The following RALGAPA1 variants were observed in gnomAD, a reference collection of about 807,000 sequenced individuals.
RALGAPA1 encodes the protein Ral GTPase activating protein catalytic subunit alpha 1.
RALGAPA1 carries 52 observed loss-of-function variants against 269.6 expected under a neutral mutation model. The observed-to-expected ratio is 0.19, with a 90% CI of 0.15 to 0.24. RALGAPA1 has a LOEUF of 0.24. RALGAPA1 is among the 10% of genes least tolerant of loss of function. The pLI, the probability that RALGAPA1 is intolerant of heterozygous loss-of-function variation, is 1.00. For missense variants in RALGAPA1, 1,917 were observed against 3,013.9 expected (o/e 0.64, Z 8.52); for synonymous variants, 817 against 1,008.3 (o/e 0.81, Z 3.60).
intron 12 of RALGAPA1, 44 bp from the exon 13 acceptor site, chr14:35,728,554 T>C: frequency 2.6e-6 from 4 of 1,532,568 alleles, no homozygotes; most frequent in Non-Finnish European, 3.5e-6. Flanking sequence ...GGAATTTCAA[T>C]GGCAAATTTC....
chr14:35,568,311 G>A (rs1566703663), intron 39 of RALGAPA1, among the ~76,000 whole-genome samples: 2 of 151,952 alleles, frequency 1.3e-5, no homozygotes, highest in Non-Finnish European at 2.9e-5. Flanking sequence ...CAATTAATTG[G>A]TAAGTATAAT....
chr14:35,770,071 T>C (rs1032525179), intron 4 of RALGAPA1, among the ~76,000 whole-genome samples: 3 of 152,080 alleles, frequency 2.0e-5, no homozygotes, highest in African/African-American at 2.4e-5. Flanking sequence ...AGTGAGTAAA[T>C]AGGATTTACC....
intron 35 of RALGAPA1, among the ~76,000 whole-genome samples, chr14:35,612,592 G>A (rs752840382): frequency 1.8e-4 from 27 of 149,108 alleles, no homozygotes; most frequent in Non-Finnish European, 3.7e-4. Flanking sequence ...AGGCTGGAGT[G>A]CAGTGGCGCA....
chr14:35,693,298 T>TA, intron 17 of RALGAPA1, among the ~76,000 whole-genome samples: 1 of 151,564 alleles, frequency 6.6e-6, no homozygotes, highest in South Asian at 2.1e-4. Context: ...ATGTTAGAAA[T>TA]AAAAATCTAA....
chr14:35,606,802 T>G (rs1347343746), intron 35 of RALGAPA1, among the ~76,000 whole-genome samples: 1 of 150,408 alleles, frequency 6.6e-6, no homozygotes, highest in Non-Finnish European at 1.5e-5. Context: ...AGGATTAAAG[T>G]TCTTTAAAGA....
At chr14:35,784,784 T>A (rs2075686283) in intron 1 of RALGAPA1, among the ~76,000 whole-genome samples, 1 of 152,216 alleles carries the variant, frequency 6.6e-6, no homozygotes, top group South Asian at 2.1e-4. Context: ...TACCTTCACA[T>A]TTATGCAGTT....
chr14:35,655,630 A>G lies in RALGAPA1; in HGVS notation c.5496+177T>C, dbSNP rs767182580. Among the ~76,000 whole-genome samples, 6 of 152,098 alleles carry G rather than the reference A, an allele frequency of 3.9e-5. No homozygotes were observed. The South Asian group carries it at 6.2e-4, about 16-fold the overall frequency. ...GATAAAAATGGGTCACCATAAAGAT[A>G]CCCTAAATTCAAGAAACAGAACAAT... On this transcript the variant is annotated intron_variant, in intron 29 of 41. Coordinates refer to ENST00000680220, the MANE Select transcript of RALGAPA1 (RefSeq NM_001346249.2).
At chr14:35,805,075 C>T (rs1031428626) in intron 1 of RALGAPA1, among the ~76,000 whole-genome samples, 5 of 151,738 alleles carry the variant, frequency 3.3e-5, no homozygotes, top group African/African-American at 7.3e-5. Context: ...ATCACGAGGT[C>T]GCGAGTTCAA....
chr14:35,724,277 T>C (rs941312349), intron 14 of RALGAPA1, among the ~76,000 whole-genome samples: 4 of 152,142 alleles, frequency 2.6e-5, no homozygotes, highest in African/African-American at 7.2e-5. Context: ...AACACCAGCA[T>C]ATAATTTTAG....
intron 4 of RALGAPA1, among the ~76,000 whole-genome samples, chr14:35,764,061 T>C (rs2073948089): frequency 6.6e-6 from 1 of 151,872 alleles, no homozygotes; most frequent in Non-Finnish European, 1.5e-5. Flanking sequence ...CCTTGTTTTA[T>C]CCTTTGCACA....
chr14:35,798,136 A>T (rs181171879), intron 1 of RALGAPA1, among the ~76,000 whole-genome samples: 61 of 148,208 alleles, frequency 4.1e-4, no homozygotes, highest in Non-Finnish European at 6.3e-4. Context: ...GCCTCCCAAA[A>T]TGCTGGGATT....
At chr14:35,720,847 A>T (rs2069343473) in intron 16 of RALGAPA1, among the ~76,000 whole-genome samples, 1 of 152,170 alleles carries the variant, frequency 6.6e-6, no homozygotes, top group Admixed American at 6.5e-5. Context: ...AGGTAGGATC[A>T]CTTTGAGCCC....
chr14:35,660,471 G>A (rs970718045), intron 27 of RALGAPA1, among the ~76,000 whole-genome samples: 5 of 151,980 alleles, frequency 3.3e-5, no homozygotes, highest in Non-Finnish European at 5.9e-5. Context: ...CCTGTACGCG[G>A]AAAACTATAA....
rs757958326 is a variant in RALGAPA1 at position 35,572,604 on chromosome 14, T to C, written c.7324A>G (p.Met2442Val). Residue 2442 changes from methionine (M) to valine (V), a missense_variant, in exon 38 of 42, where the codon ATG becomes GTG. Physicochemically the swap from Met to Val is conservative, Grantham distance 21 (BLOSUM62 1). Coordinates refer to ENST00000680220, the MANE Select transcript of RALGAPA1 (RefSeq NM_001346249.2). ...FGDVLIVIYP[M>V]KNHMFSIQIM... is the part of the protein sequence containing the mutation. Reference sequence around the variant, plus strand: ...TGAATACTGAACATGTGATTTTTCATTGGATATATTACAATAAGGACATCA... The same window carrying C: ...TGAATACTGAACATGTGATTTTTCACTGGATATATTACAATAAGGACATCA... 4.7e-5 allele frequency: 76 copies of C among 1,607,946 alleles called. 1 individual carries two copies. Among genetic ancestry groups the C allele is most frequent in the South Asian group, 1.7e-4 (15 of 89,814 alleles).
chr14:35,692,111 T>C (rs1293367555), intron 17 of RALGAPA1, among the ~76,000 whole-genome samples: 2 of 152,124 alleles, frequency 1.3e-5, no homozygotes, highest in African/African-American at 4.8e-5. Context: ...TCTGCCTCAA[T>C]GACAGAGATT....
intron 31 of RALGAPA1, among the ~76,000 whole-genome samples, chr14:35,650,634 A>C (rs746844918): frequency 3.7e-4 from 56 of 152,200 alleles, no homozygotes; most frequent in Non-Finnish European, 6.6e-4. Flanking sequence ...ACACAAGAAA[A>C]TAACTGGGAA....
At chr14:35,739,531 A>T (rs1224339263) in intron 11 of RALGAPA1, among the ~76,000 whole-genome samples, 1 of 152,096 alleles carries the variant, frequency 6.6e-6, no homozygotes, top group Admixed American at 6.6e-5. Flanking sequence ...AAGTTTATTA[A>T]TCAGATTCCC....
At chr14:35,723,653 C>T (rs1223383066) in intron 14 of RALGAPA1, 1 of 153,992 alleles carries the variant, frequency 6.5e-6, no homozygotes, top group Non-Finnish European at 1.4e-5. Context: ...AAATCACTAA[C>T]TACAACTCGA....
rs2066191954 is a variant in RALGAPA1 at position 35,688,674 on chromosome 14, C to A, written c.3737G>T (p.Ser1246Ile). ...AGTACTACGACTACCTAATTGACTA[C>A]TTGCAATTCCTTCTTTTTGTAATAT... ...TTILQKEGIA[S>I]SQLGSRSTLR... The change falls in exon 18 of 42, where the codon AGT becomes ATT. Residue 1246 changes from serine (S) to isoleucine (I), a missense_variant. This residue lies in a region of RALGAPA1 where 615 missense variants were observed against 790.0 expected (regional missense o/e 0.78). Transcript: ENST00000680220. 3 of 1,489,082 alleles carry A rather than the reference C, an allele frequency of 2.0e-6. No homozygotes were observed. Among genetic ancestry groups the A allele is most frequent in the Non-Finnish European group, 2.7e-6 (3 of 1,127,460 alleles). The allele number at this position is 1,489,082 out of a possible 1,614,324, so 92.2% of individuals were successfully genotyped here.
Sources: allele counts gnomAD v4.1 joint callset (sites outside exome capture counted in the v4.1 genomes callset), GRCh38; gene constraint gnomAD v4.1.1; regional missense constraint gnomAD v4.1.1; transcripts MANE v1.5; gene names NCBI Gene and HGNC (gene_info 2026-07-23, HGNC 2026-07-21).